The following PPFIBP1 variants were observed in gnomAD, a reference collection of about 807,000 sequenced individuals.
PPFIBP1 encodes liprin-beta-1.
In PPFIBP1, 112 loss-of-function variants were observed where a neutral mutation model predicts 137.8. That is an observed-to-expected ratio of 0.81 (90% CI 0.70 to 0.95). PPFIBP1 has a LOEUF of 0.95. Ranked by LOEUF, PPFIBP1 falls within the 40% of genes least tolerant of loss-of-function variation. PPFIBP1 has a pLI of 0.00. For synonymous variants in PPFIBP1, 378 were observed against 417.3 expected (o/e 0.91, Z 1.15); for missense variants, 1,083 against 1,196.6 (o/e 0.91, Z 1.40).
intron 2 of PPFIBP1, among the ~76,000 whole-genome samples, chr12:27,613,286 A>T (rs1465671008): frequency 6.6e-6 from 1 of 152,258 alleles, no homozygotes; most frequent in South Asian, 2.1e-4. Context: ...TGGTTCTGGC[A>T]TTTGACCTCT....
At chr12:27,659,837 C>G (rs1032746524) in intron 10 of PPFIBP1, among the ~76,000 whole-genome samples, 48 of 152,114 alleles carry the variant, frequency 3.2e-4, no homozygotes, top group African/African-American at 1.1e-3. Flanking sequence ...CCCAACTCCT[C>G]AAGAGGTTGA....
chr12:27,635,177 A>G (rs1235181679), intron 4 of PPFIBP1, 62 bp downstream of exon 4: 5 of 1,521,042 alleles, frequency 3.3e-6, no homozygotes, highest in South Asian at 1.1e-5. Context: ...AAAATTTAGA[A>G]CATAGAATAG....
chr12:27,644,169 T>C (rs926005045), intron 4 of PPFIBP1, among the ~76,000 whole-genome samples: 1 of 150,794 alleles, frequency 6.6e-6, no homozygotes, highest in African/African-American at 2.5e-5. Flanking sequence ...CTCCACCTCC[T>C]GGGCTCAAGT....
At chr12:27,589,120 T>A (rs1289708962) in intron 2 of PPFIBP1, among the ~76,000 whole-genome samples, 1 of 152,196 alleles carries the variant, frequency 6.6e-6, no homozygotes. Flanking sequence ...AATTGGAGGT[T>A]GTCCTGCATG....
intron 2 of PPFIBP1, among the ~76,000 whole-genome samples, chr12:27,632,573 A>G (rs2057339586): frequency 6.6e-6 from 1 of 152,252 alleles, no homozygotes; most frequent in Admixed American, 6.5e-5. Flanking sequence ...GGATAAACCC[A>G]TCTTCAGATA....
intron 13 of PPFIBP1, 103 bp from the exon 14 acceptor site, chr12:27,671,328 A>G (rs1011915850): frequency 3.2e-6 from 2 of 632,296 alleles, no homozygotes; most frequent in Admixed American, 3.4e-5. Context: ...TGATTATGAG[A>G]TTTTGTCAAT....
chr12:27,566,731 T>C (rs1024489395), intron 1 of PPFIBP1, among the ~76,000 whole-genome samples: 5 of 152,202 alleles, frequency 3.3e-5, no homozygotes, highest in African/African-American at 1.2e-4. Flanking sequence ...ATCTCCATTT[T>C]ATAGATGAGG....
chr12:27,563,277 TAAAAAAAAAAAAAA>T (rs869044515), intron 1 of PPFIBP1, among the ~76,000 whole-genome samples: 4 of 22,174 alleles, frequency 1.8e-4, no homozygotes, highest in Admixed American at 9.5e-4. Flanking sequence ...CCATCTCTAC[TAAAAAAAAAAAAAA>T]AAAAAAAAAA....
intron 2 of PPFIBP1, among the ~76,000 whole-genome samples, chr12:27,600,757 C>T (rs1452126270): frequency 6.6e-6 from 1 of 152,094 alleles, no homozygotes; most frequent in African/African-American, 2.4e-5. Flanking sequence ...CTTAGTATTA[C>T]AGAGTAGTAT....
At chr12:27,681,918 AATGAAAAAGAATTAC>A (rs2060897967) in intron 22 of PPFIBP1, among the ~76,000 whole-genome samples, 1 of 152,094 alleles carries the variant, frequency 6.6e-6, no homozygotes, top group South Asian at 2.1e-4. Flanking sequence ...TGGGCATTTT[AATGAAAAAGAATTAC>A]ATAAGCATAA....
chr12:27,568,557 C>T (rs905658817), intron 1 of PPFIBP1, among the ~76,000 whole-genome samples: 1 of 152,164 alleles, frequency 6.6e-6, no homozygotes, highest in African/African-American at 2.4e-5. Flanking sequence ...AGATATGATG[C>T]CAGGATGTTC....
intron 1 of PPFIBP1, among the ~76,000 whole-genome samples, chr12:27,535,978 G>A (rs545217565): frequency 6.6e-6 from 1 of 152,262 alleles, no homozygotes; most frequent in South Asian, 2.1e-4. Context: ...GGCTAATATG[G>A]TTAAGTAACA....
rs552891177 is a variant in PPFIBP1 at position 27,695,129 on chromosome 12, T to G, written c.*2247T>G. 107 of 152,032 alleles carry G rather than the reference T, an allele frequency of 7.0e-4. 4 individuals are homozygous for G. The highest frequency in any genetic ancestry group is 2.5e-3 in the African/African-American group (103 of 41,462). 9.4% of individuals were successfully genotyped at this position (152,032 alleles called of 1,614,324 possible). ...AACTGTTACAGACGCCATTTTTTTT[T>G]TTTTTGAGACGGAGTCTTGCTCTGT... On this transcript the variant is annotated 3_prime_UTR_variant, in exon 30 of 30. Transcript: ENST00000228425.
chr12:27,585,368 G>A (rs191839425), intron 2 of PPFIBP1, among the ~76,000 whole-genome samples: 1 of 152,296 alleles, frequency 6.6e-6, no homozygotes, highest in East Asian at 1.9e-4. Flanking sequence ...TCTACGCTGC[G>A]CTGTGTCTCC....
chr12:27,684,641 G>A lies in PPFIBP1; in HGVS notation c.2247+1938G>A, dbSNP rs185499736. 6.6e-5 allele frequency among the ~76,000 whole-genome samples: 10 copies of A among 152,166 alleles called. No individual in the cohort carries two copies. The East Asian group carries it at 1.4e-3, about 21-fold the overall frequency. On this transcript the variant is annotated intron_variant, in intron 24 of 29. Transcript: ENST00000228425. ...AACCTGCGTGAAATAATACTAATAT[G>A]TGTAGTATGTTGCACATTTGCTATG...
At chr12:27,620,195 A>C (rs1004806167) in intron 2 of PPFIBP1, among the ~76,000 whole-genome samples, 2 of 152,096 alleles carry the variant, frequency 1.3e-5, no homozygotes, top group African/African-American at 4.8e-5. Context: ...AAATCAGATC[A>C]TGTCATTCCT....
At chr12:27,611,785 GCTCT>G (rs10549025) in intron 2 of PPFIBP1, among the ~76,000 whole-genome samples, 48,688 of 137,552 alleles carry the variant, frequency 0.35, 8,622 homozygotes, top group East Asian at 0.57. Flanking sequence ...TCAACACTGT[GCTCT>G]CTCTCTCTCT....
At chr12:27,644,942 A>G (rs2058371994) in intron 4 of PPFIBP1, among the ~76,000 whole-genome samples, 1 of 151,350 alleles carries the variant, frequency 6.6e-6, no homozygotes, top group African/African-American at 2.4e-5. Context: ...TTCCCAGCAC[A>G]TGACTTTTAT....
At chr12:27,651,824 C>T (rs1462402570) in intron 7 of PPFIBP1, among the ~76,000 whole-genome samples, 2 of 152,148 alleles carry the variant, frequency 1.3e-5, no homozygotes, top group Admixed American at 6.5e-5. Context: ...TTGTTGTAAG[C>T]GCCTAGGGTA....
Sources: gnomAD v4.1 joint callset for allele counts (sites outside exome capture counted in the v4.1 genomes callset) on GRCh38, gnomAD v4.1.1 for gene constraint, MANE v1.5 for transcripts, NCBI Gene and HGNC (gene_info 2026-07-23, HGNC 2026-07-21) for gene names.